Variants in ADAM12 observed in about 807,000 individuals in gnomAD.
ADAM12 encodes disintegrin and metalloproteinase domain-containing protein 12.
ADAM12 carries 70 observed loss-of-function variants against 106.4 expected under a neutral mutation model. The ratio of observed to expected loss-of-function variants is 0.66; its 90% CI spans 0.54 to 0.80. ADAM12 has a LOEUF of 0.80. Among genes scored for constraint, ADAM12 ranks in the 30% least tolerant of loss-of-function variants. The pLI, the probability that ADAM12 is intolerant of heterozygous loss-of-function variation, is 0.00. For missense variants in ADAM12, 1,010 were observed against 1,171.9 expected (o/e 0.86, Z 2.02); for synonymous variants, 420 against 433.5 (o/e 0.97, Z 0.39).
chr10:126,200,500 A>T (rs558396773), intron 3 of ADAM12, among the ~76,000 whole-genome samples: 98 of 152,256 alleles, frequency 6.4e-4, no homozygotes, highest in African/African-American at 2.3e-3. Flanking sequence ...TCCATCTCCC[A>T]CTACTTGGTG....
chr10:126,292,765 C>T (rs1266897601), intron 2 of ADAM12, among the ~76,000 whole-genome samples: 2 of 152,194 alleles, frequency 1.3e-5, no homozygotes, highest in African/African-American at 4.8e-5. Flanking sequence ...TCCAGTCAAA[C>T]TTTATTGATG....
At chr10:126,298,668 T>TA (rs970729990) in intron 2 of ADAM12, among the ~76,000 whole-genome samples, 7 of 151,464 alleles carry the variant, frequency 4.6e-5, no homozygotes, top group African/African-American at 7.3e-5. Context: ...CATACTTTTA[T>TA]AAAAAAAATC....
intron 3 of ADAM12, among the ~76,000 whole-genome samples, chr10:126,208,852 G>GTTTTTTT (rs5788775): frequency 6.9e-6 from 1 of 145,734 alleles, no homozygotes; most frequent in Non-Finnish European, 1.5e-5. Context: ...AAAAAAGAAA[G>GTTTTTTT]TTTTTTTTTT....
intron 16 of ADAM12, among the ~76,000 whole-genome samples, 186 bp from the exon 17 acceptor site, chr10:126,046,318 C>T (rs543727057): frequency 6.6e-6 from 1 of 152,262 alleles, no homozygotes; most frequent in African/African-American, 2.4e-5. Context: ...GATCTTATTG[C>T]CTGACTCCTC....
At chr10:126,044,777 C>T (rs1954271405) in intron 17 of ADAM12, among the ~76,000 whole-genome samples, 1 of 152,182 alleles carries the variant, frequency 6.6e-6, no homozygotes, top group African/African-American at 2.4e-5. Context: ...TGCTATAAAG[C>T]AGAAATTGAG....
chr10:126,135,340 T>C (rs1956384993), intron 5 of ADAM12: 1 of 487,794 alleles, frequency 2.1e-6, no homozygotes, highest in East Asian at 3.1e-5. Context: ...CAGTCGCTTT[T>C]ACCCCACCAG....
intron 3 of ADAM12, among the ~76,000 whole-genome samples, chr10:126,166,223 G>A (rs1957020967): frequency 6.6e-6 from 1 of 152,178 alleles, no homozygotes; most frequent in Admixed American, 6.5e-5. Flanking sequence ...CTGTTCAGAT[G>A]AGCCTATCTG....
chr10:126,343,049 T>C (rs150073359), intron 1 of ADAM12, among the ~76,000 whole-genome samples: 1,552 of 152,248 alleles, frequency 0.01, 14 homozygotes, highest in Middle Eastern at 0.031. Flanking sequence ...TATTTTTTTC[T>C]TTTTTTATTA....
chr10:126,114,615 G>T (rs1303700011), intron 6 of ADAM12, among the ~76,000 whole-genome samples: 1 of 152,196 alleles, frequency 6.6e-6, no homozygotes, highest in Non-Finnish European at 1.5e-5. Context: ...AGGTAGCTGG[G>T]ATTACAGGTG....
chr10:126,279,347 C>T (rs1477328955), intron 2 of ADAM12, among the ~76,000 whole-genome samples: 1 of 151,916 alleles, frequency 6.6e-6, no homozygotes, highest in Non-Finnish European at 1.5e-5. Flanking sequence ...CGAGAGATCA[C>T]TTGAGCCTAG....
chr10:126,140,996 G>C (rs1381542553), intron 4 of ADAM12, among the ~76,000 whole-genome samples: 1 of 152,214 alleles, frequency 6.6e-6, no homozygotes, highest in African/African-American at 2.4e-5. Flanking sequence ...CTCCAGGTGA[G>C]CCTGTGCCCT....
rs555180702 is a variant in ADAM12, at chr10:126,036,860, C to T, written c.2350-535G>A. 2.0e-5 allele frequency among the ~76,000 whole-genome samples: 3 copies of T among 152,238 alleles called. No individual in the cohort carries two copies. The East Asian group carries it at 5.8e-4, about 29-fold the overall frequency. On this transcript the variant is annotated intron_variant, in intron 20 of 22. Transcript: ENST00000448723. ...GGACCCTTATACCTCAGGCTTCTAC[C>T]CCTTCCTTCCTCTCTTTCTAAAAAC...
intron 3 of ADAM12, among the ~76,000 whole-genome samples, chr10:126,224,775 C>T (rs1267491118): frequency 1.3e-5 from 2 of 152,232 alleles, no homozygotes; most frequent in Non-Finnish European, 2.9e-5. Flanking sequence ...TTGCCACCTA[C>T]AAGTGAGCAG....
chr10:126,109,672 C>T, intron 7 of ADAM12, 103 bp downstream of exon 7: 5 of 957,716 alleles, frequency 5.2e-6, no homozygotes, highest in Non-Finnish European at 7.9e-6. Context: ...TTTAAGAGCA[C>T]ATAGGAAATG....
intron 3 of ADAM12, among the ~76,000 whole-genome samples, chr10:126,181,422 T>C (rs1004194258): frequency 5.3e-5 from 8 of 152,306 alleles, no homozygotes; most frequent in African/African-American, 1.9e-4. Context: ...ATAATTACAA[T>C]AATTATATTG....
chr10:126,166,244 A>G (rs1326010316), intron 3 of ADAM12, among the ~76,000 whole-genome samples: 1 of 152,228 alleles, frequency 6.6e-6, no homozygotes, highest in Non-Finnish European at 1.5e-5. Flanking sequence ...TTCATGAGCG[A>G]AGAGTTCACA....
At chr10:126,357,286 C>A (rs894341686) in intron 1 of ADAM12, among the ~76,000 whole-genome samples, 1 of 151,776 alleles carries the variant, frequency 6.6e-6, no homozygotes, top group Non-Finnish European at 1.5e-5. Context: ...ACTTGCAGGC[C>A]AGGAGAGAGT....
rs371509713 is a variant in ADAM12 at position 126,063,287 on chromosome 10, T to TC, written c.1609+1518dup. ...CTTGCTACCAAGCTGCCCTTTCTTT[T>TC]CCCCCCCAGAAAGCTCCAAGTACAG... On this transcript the variant is annotated intron_variant, in intron 14 of 22. Transcript: ENST00000448723. Among the ~76,000 whole-genome samples the TC allele has an allele frequency of 3.6e-3, 541 of 151,778 alleles. 4 individuals are homozygous for TC. Among genetic ancestry groups the TC allele is most frequent in the African/African-American group, 0.013 (519 of 41,346 alleles).
chr10:126,364,418 A>G (rs1855844023), intron 1 of ADAM12, among the ~76,000 whole-genome samples: 1 of 152,200 alleles, frequency 6.6e-6, no homozygotes, highest in Admixed American at 6.5e-5. Flanking sequence ...AGGAAACCCA[A>G]GAAAGTCAAC....
Sources: gnomAD v4.1 joint callset for allele counts (sites outside exome capture counted in the v4.1 genomes callset) on GRCh38, gnomAD v4.1.1 for gene constraint, MANE v1.5 for transcripts, NCBI Gene and HGNC (gene_info 2026-07-23, HGNC 2026-07-21) for gene names.